Variants in SBF2 observed in about 807,000 individuals in gnomAD.
The protein encoded by SBF2 is SET binding factor 2.
In SBF2, 112 loss-of-function variants were observed where a neutral mutation model predicts 225.2. The observed-to-expected ratio is 0.50, with a 90% CI of 0.43 to 0.58. The LOEUF (loss-of-function observed/expected upper bound fraction) is 0.58, where lower values mean the gene tolerates loss of function less well. Ranked by LOEUF, SBF2 falls within the 20% of genes least tolerant of loss-of-function variation. The probability of loss-of-function intolerance (pLI) is 0.00; values close to 1 mark genes in which losing one functional copy is unlikely to be tolerated. For missense variants in SBF2, 1,996 were observed against 2,206.2 expected (o/e 0.90, Z 1.91); for synonymous variants, 763 against 773.3 (o/e 0.99, Z 0.22).
At position 10,025,329 on chromosome 11, in the gene SBF2, AC is replaced by A. The variant is rs371565677; in HGVS notation, c.619+3122del. ...GAGCCAGTCTACTTCTGATTTACCC[AC>A]TCCCAGGCTGTGGCCTTTTATGGTC... On this transcript the variant is annotated intron_variant, in intron 6 of 39. Coordinates refer to ENST00000256190, the MANE Select transcript of SBF2 (RefSeq NM_030962.4). 3.8e-3 allele frequency among the ~76,000 whole-genome samples: 574 copies of A among 151,850 alleles called. 3 individuals carry two copies. The highest frequency in any genetic ancestry group is 0.013 in the African/African-American group (546 of 41,406).
intron 2 of SBF2, among the ~76,000 whole-genome samples, chr11:10,071,590 G>T (rs1950881079): frequency 6.6e-6 from 1 of 152,122 alleles, no homozygotes; most frequent in African/African-American, 2.4e-5. Flanking sequence ...CAAAGGGAAT[G>T]CTTCCAGTTT....
chr11:10,033,690 A>AC (rs1232063579), intron 3 of SBF2, among the ~76,000 whole-genome samples: 1 of 146,380 alleles, frequency 6.8e-6, no homozygotes, highest in Non-Finnish European at 1.5e-5. Context: ...ACACACACAC[A>AC]ACAAATAAAC....
At chr11:10,123,372 T>C (rs1953573077) in intron 2 of SBF2, among the ~76,000 whole-genome samples, 1 of 152,316 alleles carries the variant, frequency 6.6e-6, no homozygotes, top group East Asian at 1.9e-4. Context: ...TATACTCTAA[T>C]CACTTGTTCT....
intron 2 of SBF2, among the ~76,000 whole-genome samples, chr11:10,097,717 G>C (rs1380558898): frequency 6.6e-6 from 1 of 152,102 alleles, no homozygotes; most frequent in Non-Finnish European, 1.5e-5. Flanking sequence ...TAAATAAATA[G>C]ATGCATTGAA....
chr11:9,988,713 A>C (rs1022656419), intron 13 of SBF2, among the ~76,000 whole-genome samples: 1 of 152,220 alleles, frequency 6.6e-6, no homozygotes, highest in Non-Finnish European at 1.5e-5. Flanking sequence ...ATACCATCTT[A>C]CTTCTGCAAG....
chr11:10,277,125 C>T (rs1963011924), intron 1 of SBF2, among the ~76,000 whole-genome samples: 1 of 127,378 alleles, frequency 7.9e-6, no homozygotes, highest in Admixed American at 8.4e-5. Flanking sequence ...AGAGCGAGAC[C>T]CCATCTCAAA....
At chr11:9,935,326 C>A (rs1864813102) in intron 16 of SBF2, among the ~76,000 whole-genome samples, 1 of 152,156 alleles carries the variant, frequency 6.6e-6, no homozygotes, top group African/African-American at 2.4e-5. Flanking sequence ...AATGGAAGAA[C>A]ATTCCATGCT....
chr11:10,295,601 C>A (rs1171414029), upstream of SBF2, among the ~76,000 whole-genome samples: 3 of 143,620 alleles, frequency 2.1e-5, no homozygotes, highest in African/African-American at 7.7e-5. Flanking sequence ...AAAAAAAAAA[C>A]CTCAGTCATA....
intron 1 of SBF2, among the ~76,000 whole-genome samples, chr11:10,254,938 A>AAAAAAAAAAAAAAAG (rs1960736838): frequency 8.8e-6 from 1 of 114,090 alleles, no homozygotes; most frequent in Admixed American, 9.7e-5. Context: ...AAAAAAAAAA[A>AAAAAAAAAAAAAAAG]ATCCTATTAT....
chr11:10,204,464 C>A (rs1957677243), intron 1 of SBF2, among the ~76,000 whole-genome samples: 1 of 151,982 alleles, frequency 6.6e-6, no homozygotes, highest in South Asian at 2.1e-4. Context: ...CATGGTGAAA[C>A]CTCGTCTCTA....
chr11:10,270,168 T>A (rs1379062735), intron 1 of SBF2, among the ~76,000 whole-genome samples: 4 of 152,106 alleles, frequency 2.6e-5, no homozygotes, highest in African/African-American at 9.7e-5. Context: ...ATGTTATGTT[T>A]TATATATACA....
chr11:10,239,685 G>A (rs1314183154), intron 1 of SBF2, among the ~76,000 whole-genome samples: 2 of 140,658 alleles, frequency 1.4e-5, no homozygotes, highest in African/African-American at 2.5e-5. Context: ...ACCAACTAAT[G>A]ATCATTAATG....
chr11:10,221,050 A>C (rs1398648654), intron 1 of SBF2, among the ~76,000 whole-genome samples: 2 of 150,622 alleles, frequency 1.3e-5, no homozygotes, highest in African/African-American at 4.9e-5. Context: ...TATACCTCTT[A>C]TCATGGCTCC....
At chr11:9,845,290 T>C (rs1282070100) in intron 24 of SBF2, among the ~76,000 whole-genome samples, 3 of 152,174 alleles carry the variant, frequency 2.0e-5, no homozygotes, top group African/African-American at 2.4e-5. Flanking sequence ...GTGATCAATA[T>C]GGAAAAAAGA....
chr11:10,123,296 T>A (rs1953567769), intron 2 of SBF2, among the ~76,000 whole-genome samples: 1 of 152,070 alleles, frequency 6.6e-6, no homozygotes, highest in Admixed American at 6.6e-5. Context: ...ATACTTGCAA[T>A]TTATTTGAGT....
chr11:10,235,188 T>C (rs537540946), intron 1 of SBF2, among the ~76,000 whole-genome samples: 2 of 152,364 alleles, frequency 1.3e-5, no homozygotes, highest in Admixed American at 1.3e-4. Flanking sequence ...GTTTTTCAAG[T>C]ATACATCTAA....
At chr11:10,001,701 T>A (rs1002982141) in intron 7 of SBF2, among the ~76,000 whole-genome samples, 1 of 151,912 alleles carries the variant, frequency 6.6e-6, no homozygotes, top group African/African-American at 2.4e-5. Context: ...GCTTTTTCTA[T>A]TTTTTTAGTA....
chr11:9,841,773 A>ATC (rs1856172600), intron 25 of SBF2, among the ~76,000 whole-genome samples: 1 of 152,156 alleles, frequency 6.6e-6, no homozygotes, highest in Non-Finnish European at 1.5e-5. Context: ...GCCTCAAGTG[A>ATC]TCTGCCTGCC....
At position 9,780,288 on chromosome 11, in the gene SBF2, G is replaced by A; in HGVS notation, c.*130C>T. ...AGTAGATATAGCAACCCCTGCAAGA[G>A]GGGACTGGGCAGGAGAACCTCAGGC... On this transcript the variant is annotated 3_prime_UTR_variant, in exon 40 of 40. Coordinates refer to ENST00000256190, the MANE Select transcript of SBF2 (RefSeq NM_030962.4). 1.3e-6 allele frequency: 1 copy of A among 783,364 alleles called. No individual in the cohort carries two copies. Among genetic ancestry groups the A allele is most frequent in the South Asian group, 1.5e-5 (1 of 68,480 alleles). 48.5% of individuals were successfully genotyped at this position (783,364 alleles called of 1,614,324 possible).
Sources: gnomAD v4.1 joint callset for allele counts (sites outside exome capture counted in the v4.1 genomes callset) on GRCh38, gnomAD v4.1.1 for gene constraint, MANE v1.5 for transcripts, NCBI Gene and HGNC (gene_info 2026-07-23, HGNC 2026-07-21) for gene names.